The following CTNND2 variants were observed in gnomAD, a reference collection of about 807,000 sequenced individuals.
CTNND2 encodes catenin delta-2.
Under a neutral mutation model 144.4 loss-of-function variants are expected in CTNND2, and 22 were observed. The observed-to-expected ratio is 0.15, with a 90% CI of 0.11 to 0.22. The LOEUF is 0.22. Among genes scored for constraint, CTNND2 ranks in the 10% least tolerant of loss-of-function variants. The probability of loss-of-function intolerance (pLI) is 1.00; values close to 1 mark genes in which losing one functional copy is unlikely to be tolerated. For synonymous variants in CTNND2, 751 were observed against 695.6 expected (o/e 1.08, Z -1.25); for missense variants, 1,353 against 1,618.8 (o/e 0.84, Z 2.82).
intron 3 of CTNND2, among the ~76,000 whole-genome samples, chr5:11,416,480 T>A (rs1761947277): frequency 1.3e-5 from 2 of 152,210 alleles, no homozygotes; most frequent in Admixed American, 1.3e-4. Flanking sequence ...AAGAGAAAGC[T>A]GGTTTGGATT....
At chr5:10,981,263 A>G (rs1737206096) in intron 21 of CTNND2, among the ~76,000 whole-genome samples, 1 of 152,214 alleles carries the variant, frequency 6.6e-6, no homozygotes, top group Admixed American at 6.5e-5. Flanking sequence ...GAGTAGCAAG[A>G]CACTACAATG....
At chr5:11,409,293 A>G (rs1761333733) in intron 5 of CTNND2, among the ~76,000 whole-genome samples, 1 of 152,024 alleles carries the variant, frequency 6.6e-6, no homozygotes, top group Non-Finnish European at 1.5e-5. Flanking sequence ...GGCCCTCCAT[A>G]CTTCTTAACT....
intron 2 of CTNND2, among the ~76,000 whole-genome samples, chr5:11,578,980 G>C (rs1581542691): frequency 6.6e-6 from 1 of 152,108 alleles, no homozygotes; most frequent in Non-Finnish European, 1.5e-5. Context: ...TGGGACAACA[G>C]GATTGATTTT....
chr5:11,768,750 T>G (rs536407839), intron 1 of CTNND2, among the ~76,000 whole-genome samples: 4 of 152,278 alleles, frequency 2.6e-5, no homozygotes, highest in African/African-American at 9.6e-5. Context: ...GACAAACCAC[T>G]GCCACAGACG....
At chr5:11,279,346 A>G (rs1480133092) in intron 9 of CTNND2, among the ~76,000 whole-genome samples, 1 of 152,156 alleles carries the variant, frequency 6.6e-6, no homozygotes, top group Non-Finnish European at 1.5e-5. Flanking sequence ...CCTAAAGCCT[A>G]TATTCAACCC....
chr5:11,547,454 T>G (rs1236041795), intron 3 of CTNND2, among the ~76,000 whole-genome samples: 2 of 152,080 alleles, frequency 1.3e-5, no homozygotes, highest in African/African-American at 2.4e-5. Context: ...CCAAGCATTC[T>G]ATTCATCAAA....
chr5:11,753,814 T>G (rs1788755686), intron 1 of CTNND2, among the ~76,000 whole-genome samples: 1 of 151,748 alleles, frequency 6.6e-6, no homozygotes, highest in Non-Finnish European at 1.5e-5. Flanking sequence ...CTTTTTCTGG[T>G]TCGCAGTGTT....
chr5:11,272,281 A>G (rs561229454), intron 9 of CTNND2, among the ~76,000 whole-genome samples: 1 of 152,328 alleles, frequency 6.6e-6, no homozygotes, highest in Admixed American at 6.5e-5. Context: ...AGCCACTCAG[A>G]TTATTTTATA....
At chr5:11,451,770 A>G (rs1321081285) in intron 3 of CTNND2, among the ~76,000 whole-genome samples, 2 of 152,244 alleles carry the variant, frequency 1.3e-5, no homozygotes, top group Admixed American at 6.5e-5. Flanking sequence ...GCTAAATCCT[A>G]TAACATGCCT....
At chr5:11,456,611 A>G (rs895581335) in intron 3 of CTNND2, among the ~76,000 whole-genome samples, 1 of 152,136 alleles carries the variant, frequency 6.6e-6, no homozygotes, top group Non-Finnish European at 1.5e-5. Flanking sequence ...ATTATAAATT[A>G]TATTTTCCAA....
chr5:11,275,133 T>C lies in CTNND2; in HGVS notation c.1629-38310A>G, dbSNP rs568246637. On this transcript the variant is annotated intron_variant, in intron 9 of 21. Coordinates refer to ENST00000304623, the MANE Select transcript of CTNND2 (RefSeq NM_001332.4). ...GGCCTTGCAAAGTGCCAGGCACCAT[T>C]ACAAGCGATTTATGTATAAATCACT... 2.6e-5 allele frequency among the ~76,000 whole-genome samples: 4 copies of C among 152,264 alleles called. No individual in the cohort carries two copies. The South Asian group carries it at 8.3e-4, about 32-fold the overall frequency.
chr5:11,421,650 G>T (rs923928588), intron 3 of CTNND2, among the ~76,000 whole-genome samples: 6 of 152,158 alleles, frequency 3.9e-5, no homozygotes, highest in Non-Finnish European at 8.8e-5. Context: ...CCCAGGCATG[G>T]CGGTGTCTGC....
intron 3 of CTNND2, among the ~76,000 whole-genome samples, chr5:11,476,321 T>C (rs916272014): frequency 3.9e-5 from 6 of 152,208 alleles, no homozygotes; most frequent in African/African-American, 1.4e-4. Flanking sequence ...GGTTATTACT[T>C]GGACAATTTA....
chr5:11,809,396 C>A (rs913501091), intron 1 of CTNND2, among the ~76,000 whole-genome samples: 2 of 152,256 alleles, frequency 1.3e-5, no homozygotes, highest in Admixed American at 6.5e-5. Context: ...ACTTAGTCAT[C>A]TTTACTTAGA....
At chr5:11,590,034 T>C (rs1779129016) in intron 2 of CTNND2, among the ~76,000 whole-genome samples, 1 of 147,058 alleles carries the variant, frequency 6.8e-6, no homozygotes, top group African/African-American at 2.5e-5. Flanking sequence ...TTCTTAAAAA[T>C]AAGATTTTGT....
At chr5:11,340,467 G>A (rs2149730033) in intron 9 of CTNND2, among the ~76,000 whole-genome samples, 1 of 152,302 alleles carries the variant, frequency 6.6e-6, no homozygotes, top group Non-Finnish European at 1.5e-5. Flanking sequence ...CCTGGGGCCA[G>A]GATGTACCTG....
intron 9 of CTNND2, among the ~76,000 whole-genome samples, chr5:11,342,171 T>C (rs32045): frequency 0.011 from 1,750 of 152,322 alleles, 15 homozygotes; most frequent in Non-Finnish European, 0.02. Context: ...TTACCAAGGT[T>C]TACCTAGTAG....
At chr5:11,253,594 C>G (rs1743897852) in intron 9 of CTNND2, among the ~76,000 whole-genome samples, 1 of 152,148 alleles carries the variant, frequency 6.6e-6, no homozygotes, top group South Asian at 2.1e-4. Flanking sequence ...AACTGTGAGT[C>G]CATTAAACCT....
chr5:11,088,754 A>C (rs1047207954), intron 15 of CTNND2, among the ~76,000 whole-genome samples: 1 of 135,560 alleles, frequency 7.4e-6, no homozygotes, highest in Non-Finnish European at 1.7e-5. Flanking sequence ...AGTTAACTAC[A>C]GTGCAATTAT....
Sources: gnomAD v4.1 joint callset for allele counts (sites outside exome capture counted in the v4.1 genomes callset) on GRCh38, gnomAD v4.1.1 for gene constraint, MANE v1.5 for transcripts, NCBI Gene and HGNC (gene_info 2026-07-23, HGNC 2026-07-21) for gene names.